PALS1: variants seen among roughly 807,000 people sequenced by gnomAD.
PALS1 encodes the protein protein PALS1.
A neutral mutation model predicts 78.9 loss-of-function variants in PALS1; 31 were observed. The observed-to-expected ratio is 0.39, with a 90% CI of 0.30 to 0.53. The LOEUF is 0.53. Among genes scored for constraint, PALS1 ranks in the 20% least tolerant of loss-of-function variants. The pLI is 0.67. For missense variants in PALS1, 704 were observed against 826.5 expected (o/e 0.85, Z 1.82); for synonymous variants, 276 against 270.9 (o/e 1.02, Z -0.18).
chr14:67,254,032 C>G (rs551149555), intron 1 of PALS1, among the ~76,000 whole-genome samples: 9 of 142,538 alleles, frequency 6.3e-5, no homozygotes, highest in East Asian at 4.4e-4. Flanking sequence ...TCATCCCCCC[C>G]CCCTTACAAG....
rs184122217 is a variant in PALS1, at chr14:67,328,799, A to G, written c.1852-3981A>G. ...GATCAGATGGTTGTAGATGTGTGGT[A>G]TTATTTCTGAGGGCTCTGTTCTGTT... On this transcript the variant is annotated intron_variant, in intron 14 of 14. Transcript: ENST00000261681. Among the ~76,000 whole-genome samples, 1,477 of 152,084 alleles carry G rather than the reference A, an allele frequency of 9.7e-3. 75 individuals are homozygous for G. Among genetic ancestry groups the G allele is most frequent in the Admixed American group, 0.089 (1,355 of 15,268 alleles).
Position 67,289,768 on chromosome 14 carries a change from C to CTTTT in PALS1, c.368-2743_368-2742insTTTT, listed in dbSNP as rs1491090879. 2.8e-4 allele frequency among the ~76,000 whole-genome samples: 27 copies of CTTTT among 95,466 alleles called. 4 individuals are homozygous for CTTTT. The highest frequency in any genetic ancestry group is 4.1e-4 in the Non-Finnish European group (19 of 46,848). 62.6% of individuals were successfully genotyped at this position (95,466 alleles called of 152,430 possible). ...ACATTGGGAAGATTTTTTTCCATGT[C>CTTTT]CTTTTTTTTTTTTTTTTTTTTTGAG... On this transcript the variant is annotated intron_variant, in intron 3 of 14. Coordinates refer to ENST00000261681, the MANE Select transcript of PALS1 (RefSeq NM_022474.4).
intron 14 of PALS1, among the ~76,000 whole-genome samples, chr14:67,330,637 T>C (rs1325705746): frequency 6.6e-6 from 1 of 152,018 alleles, no homozygotes; most frequent in Non-Finnish European, 1.5e-5. Flanking sequence ...TTTGTATTTT[T>C]AGTAGAGATG....
intron 14 of PALS1, among the ~76,000 whole-genome samples, chr14:67,330,068 A>C (rs2085423990): frequency 6.7e-6 from 1 of 150,096 alleles, no homozygotes; most frequent in South Asian, 2.1e-4. Flanking sequence ...GTAAGAGAGA[A>C]TATATGCCAG....
At chr14:67,319,986 A>G (rs575872515) in intron 11 of PALS1, among the ~76,000 whole-genome samples, 28 of 152,356 alleles carry the variant, frequency 1.8e-4, no homozygotes, top group Non-Finnish European at 3.2e-4. Flanking sequence ...TAATGTAAGA[A>G]TCAGTATAAT....
At chr14:67,244,734 C>T (rs1441094942) in intron 1 of PALS1, among the ~76,000 whole-genome samples, 2 of 151,966 alleles carry the variant, frequency 1.3e-5, no homozygotes, top group Non-Finnish European at 2.9e-5. Flanking sequence ...GTAGGTATAG[C>T]CTAATTTTAT....
At chr14:67,281,496 C>T (rs956752751) in intron 3 of PALS1, among the ~76,000 whole-genome samples, 1 of 151,858 alleles carries the variant, frequency 6.6e-6, no homozygotes, top group Non-Finnish European at 1.5e-5. Context: ...CCTTCATTTC[C>T]CACCACTCTA....
intron 9 of PALS1, among the ~76,000 whole-genome samples, chr14:67,314,828 C>T (rs568454928): frequency 1.3e-5 from 2 of 152,322 alleles, no homozygotes; most frequent in African/African-American, 4.8e-5. Flanking sequence ...TGGTGGCTCA[C>T]ACCTGTAATC....
chr14:67,311,519 T>C (rs2085089083), intron 8 of PALS1, among the ~76,000 whole-genome samples: 4 of 152,270 alleles, frequency 2.6e-5, no homozygotes, highest in African/African-American at 7.2e-5. Flanking sequence ...AGATTTCTTA[T>C]AGATTTTGGA....
chr14:67,276,339 C>T (rs1225406170), intron 2 of PALS1, among the ~76,000 whole-genome samples: 2 of 152,168 alleles, frequency 1.3e-5, no homozygotes, highest in African/African-American at 4.8e-5. Context: ...TTCTGTCATA[C>T]TCTTCCTTCC....
chr14:67,269,573 A>G (rs1482421690), intron 1 of PALS1, 128 bp from the exon 2 acceptor site: 5 of 152,534 alleles, frequency 3.3e-5, no homozygotes, highest in African/African-American at 4.8e-5. Context: ...ATTTCTGACT[A>G]AGAAATCCTA....
intron 1 of PALS1, among the ~76,000 whole-genome samples, chr14:67,247,998 G>A (rs2084012405): frequency 2.6e-5 from 4 of 152,084 alleles, no homozygotes; most frequent in Non-Finnish European, 5.9e-5. Context: ...CTGTTCCTAG[G>A]TTACTGAGGG....
chr14:67,254,152 T>C (rs2084107961), intron 1 of PALS1: 1 of 150,780 alleles, frequency 6.6e-6, no homozygotes, highest in African/African-American at 2.4e-5. Context: ...TTTACTTATC[T>C]GATATCTATA....
chr14:67,286,899 C>T (rs1535490), intron 3 of PALS1, among the ~76,000 whole-genome samples: 22,741 of 147,292 alleles, frequency 0.15, 3,318 homozygotes, highest in East Asian at 0.42. Context: ...TTGAATAATA[C>T]GTATTTGTGA....
At chr14:67,327,646 C>G (rs1052663982) in intron 14 of PALS1, among the ~76,000 whole-genome samples, 2 of 152,054 alleles carry the variant, frequency 1.3e-5, no homozygotes, top group Non-Finnish European at 1.5e-5. Flanking sequence ...CCTCTCCCCC[C>G]ACCCCACAAC....
chr14:67,291,778 C>A (rs2084777405), intron 3 of PALS1, among the ~76,000 whole-genome samples: 1 of 152,146 alleles, frequency 6.6e-6, no homozygotes, highest in South Asian at 2.1e-4. Flanking sequence ...CCTCAACTTC[C>A]TTACTAGTCA....
intron 12 of PALS1, 39 bp from the exon 13 acceptor site, chr14:67,321,018 A>G (rs755021644): frequency 1.3e-6 from 2 of 1,569,184 alleles, no homozygotes; most frequent in Non-Finnish European, 1.8e-6. Context: ...CCTCACTCTA[A>G]GCCATGCCTG....
chr14:67,315,926 A>T (rs574671083), intron 9 of PALS1, among the ~76,000 whole-genome samples: 3 of 152,384 alleles, frequency 2.0e-5, no homozygotes, highest in African/African-American at 7.2e-5. Context: ...CTTCGTCTCA[A>T]AAGATAACCA....
At chr14:67,324,814 G>A (rs576118586) in intron 14 of PALS1, among the ~76,000 whole-genome samples, 1 of 151,410 alleles carries the variant, frequency 6.6e-6, no homozygotes, top group Admixed American at 6.6e-5. Flanking sequence ...TGAACTCCTG[G>A]CCTCAAGAAA....
Sources: gnomAD v4.1 joint callset for allele counts (sites outside exome capture counted in the v4.1 genomes callset) on GRCh38, gnomAD v4.1.1 for gene constraint, MANE v1.5 for transcripts, NCBI Gene and HGNC (gene_info 2026-07-23, HGNC 2026-07-21) for gene names.